Variants in FGGY observed in about 807,000 individuals in gnomAD.
FGGY encodes FGGY carbohydrate kinase domain-containing protein.
Under a neutral mutation model 71.3 loss-of-function variants are expected in FGGY, and 72 were observed. The ratio of observed to expected loss-of-function variants is 1.01; its 90% CI spans 0.84 to 1.23. The LOEUF is 1.23. Among genes scored for constraint, FGGY ranks in the 50% most tolerant of loss-of-function variants. FGGY has a pLI of 0.00. For synonymous variants in FGGY, 251 were observed against 250.3 expected (o/e 1.00, Z -0.02); for missense variants, 668 against 682.3 (o/e 0.98, Z 0.23).
intron 11 of FGGY, among the ~76,000 whole-genome samples, chr1:59,659,700 TG>T (rs144704111): frequency 1.2e-3 from 178 of 152,266 alleles, no homozygotes; most frequent in African/African-American, 4.2e-3. Flanking sequence ...TTGACTTTAA[TG>T]GGATCCCCTT....
At chr1:59,563,873 C>A (rs747759912) in intron 8 of FGGY, among the ~76,000 whole-genome samples, 40 of 152,160 alleles carry the variant, frequency 2.6e-4, no homozygotes, top group Non-Finnish European at 4.0e-4. Context: ...AGAGAGGCCT[C>A]AGAAATAACA....
intron 4 of FGGY, among the ~76,000 whole-genome samples, chr1:59,372,965 C>A (rs2057960898): frequency 6.6e-6 from 1 of 152,074 alleles, no homozygotes; most frequent in Non-Finnish European, 1.5e-5. Flanking sequence ...ACTGAATGGG[C>A]AAAAACTGGA....
At chr1:59,674,738 GT>G (rs1239902839) in intron 14 of FGGY, among the ~76,000 whole-genome samples, 1 of 152,182 alleles carries the variant, frequency 6.6e-6, no homozygotes, top group Non-Finnish European at 1.5e-5. Flanking sequence ...AAACATACTA[GT>G]TTCTGGTGAG....
At chr1:59,754,190 G>A (rs560032046) in intron 14 of FGGY, among the ~76,000 whole-genome samples, 1 of 152,162 alleles carries the variant, frequency 6.6e-6, no homozygotes, top group Non-Finnish European at 1.5e-5. Context: ...CTGTCATAAT[G>A]GGCTTCATGC....
intron 1 of FGGY, 79 bp from the exon 2 acceptor site, chr1:59,321,455 ATT>A (rs1452439654): frequency 7.6e-7 from 1 of 1,316,434 alleles, no homozygotes; most frequent in Non-Finnish European, 1.1e-6. Flanking sequence ...TACCTCTTTT[ATT>A]TCTACTTTTG....
chr1:59,299,223 A>G (rs2042399427), intron 1 of FGGY, among the ~76,000 whole-genome samples: 1 of 152,134 alleles, frequency 6.6e-6, no homozygotes, highest in Non-Finnish European at 1.5e-5. Flanking sequence ...CAGCATGTGC[A>G]GAACTACACA....
chr1:59,355,301 G>A (rs2054100093), intron 4 of FGGY, among the ~76,000 whole-genome samples: 1 of 152,128 alleles, frequency 6.6e-6, no homozygotes, highest in Admixed American at 6.5e-5. Flanking sequence ...ATGTTAAAGG[G>A]AAGAAAAGTT....
chr1:59,355,479 A>T (rs2054138697), intron 4 of FGGY, among the ~76,000 whole-genome samples: 1 of 152,172 alleles, frequency 6.6e-6, no homozygotes, highest in Non-Finnish European at 1.5e-5. Context: ...ATTACTTAGT[A>T]ATTTTCCATT....
intron 7 of FGGY, among the ~76,000 whole-genome samples, chr1:59,551,836 A>G (rs1301091171): frequency 6.6e-6 from 1 of 152,250 alleles, no homozygotes; most frequent in Non-Finnish European, 1.5e-5. Context: ...AGAGCATGTA[A>G]AAAGAGCTCA....
intron 7 of FGGY, among the ~76,000 whole-genome samples, chr1:59,543,211 T>C (rs2095471385): frequency 6.6e-6 from 1 of 152,208 alleles, no homozygotes; most frequent in South Asian, 2.1e-4. Context: ...TTTATCCTGC[T>C]TAGGGTTTTG....
chr1:59,663,941 G>A (rs560051701), intron 12 of FGGY, among the ~76,000 whole-genome samples: 52 of 152,220 alleles, frequency 3.4e-4, no homozygotes, highest in African/African-American at 1.2e-3. Context: ...TCATATCTTT[G>A]GGTGCTGTTT....
chr1:59,588,409 G>T (rs1261858235), intron 8 of FGGY, among the ~76,000 whole-genome samples: 1 of 151,872 alleles, frequency 6.6e-6, no homozygotes, highest in African/African-American at 2.4e-5. Context: ...ATCTAGCAAG[G>T]CAGGCCAACG....
intron 14 of FGGY, among the ~76,000 whole-genome samples, chr1:59,705,187 C>T (rs938009517): frequency 3.3e-5 from 5 of 152,186 alleles, no homozygotes; most frequent in Admixed American, 3.3e-4. Context: ...ATACTGAAGA[C>T]ATTCTTATAG....
At chr1:59,336,653 C>A (rs1343707364) in intron 2 of FGGY, among the ~76,000 whole-genome samples, 1 of 151,994 alleles carries the variant, frequency 6.6e-6, no homozygotes, top group South Asian at 2.1e-4. Context: ...TGCCCCGCAC[C>A]CCCTGACAGG....
intron 11 of FGGY, among the ~76,000 whole-genome samples, chr1:59,653,573 C>T (rs920575570): frequency 2.0e-5 from 3 of 152,232 alleles, no homozygotes; most frequent in Non-Finnish European, 4.4e-5. Flanking sequence ...TGACCCCTTG[C>T]GCTTCCCAGG....
chr1:59,723,861 C>A (rs1011335614), intron 14 of FGGY, among the ~76,000 whole-genome samples: 1 of 152,162 alleles, frequency 6.6e-6, no homozygotes, highest in Admixed American at 6.5e-5. Context: ...AGTTTCAGCA[C>A]CCTAAAAGTT....
At chr1:59,458,242 A>G (rs1286533187) in intron 6 of FGGY, among the ~76,000 whole-genome samples, 2 of 152,192 alleles carry the variant, frequency 1.3e-5, no homozygotes, top group East Asian at 1.9e-4. Flanking sequence ...TTATTAGTGT[A>G]TATATTGATT....
Position 59,580,856 on chromosome 1 carries a change from G to T in FGGY, c.903+26629G>T, listed in dbSNP as rs142934487. 1.0e-3 allele frequency among the ~76,000 whole-genome samples: 152 copies of T among 152,212 alleles called. 1 individual carries two copies. The highest frequency in any genetic ancestry group is 3.4e-3 in the African/African-American group (143 of 41,516). ...AACATCTTTCACTTAATAGTTTAGA[G>T]AAAAGCCCATCTATTCCATTGAGTG... On this transcript the variant is annotated intron_variant, in intron 8 of 15. Transcript: ENST00000303721.
At chr1:59,469,940 T>TA (rs1198988399) in intron 6 of FGGY, among the ~76,000 whole-genome samples, 18 of 152,246 alleles carry the variant, frequency 1.2e-4, no homozygotes, top group Non-Finnish European at 1.2e-4. Flanking sequence ...GTTCTTTTTT[T>TA]ATGGCTGCAT....
Sources: allele counts gnomAD v4.1 joint callset (sites outside exome capture counted in the v4.1 genomes callset), GRCh38; gene constraint gnomAD v4.1.1; transcripts MANE v1.5; gene names NCBI Gene and HGNC (gene_info 2026-07-23, HGNC 2026-07-21).